Variants in C11orf58 observed in about 807,000 individuals in gnomAD.
The protein encoded by C11orf58 is small acidic protein.
A neutral mutation model predicts 22.7 loss-of-function variants in C11orf58; 5 were observed. That is an observed-to-expected ratio of 0.22 (90% CI 0.12 to 0.46). The LOEUF (loss-of-function observed/expected upper bound fraction) is 0.46. C11orf58 is among the 20% of genes least tolerant of loss of function. The pLI, the probability that C11orf58 is intolerant of heterozygous loss-of-function variation, is 0.99. For synonymous variants in C11orf58, 71 were observed against 70.7 expected (o/e 1.00, Z -0.02); for missense variants, 151 against 223.3 (o/e 0.68, Z 2.06).
rs2134064956 is a variant in C11orf58 at position 16,738,692 on chromosome 11, G to A, written c.-87G>A. On this transcript the variant is annotated 5_prime_UTR_variant, in exon 1 of 5. Coordinates refer to ENST00000228136, the MANE Select transcript of C11orf58 (RefSeq NM_014267.6). Reference sequence around the variant, plus strand: ...CTGCGTTCTGTAGTGGCGCTGCTTGGGCCCTTGGCGGATTGTAAGCTGCTG... The same window carrying A: ...CTGCGTTCTGTAGTGGCGCTGCTTGAGCCCTTGGCGGATTGTAAGCTGCTG... 7.0e-7 allele frequency: 1 copy of A among 1,438,040 alleles called. No individual in the cohort carries two copies. 89.1% of individuals were successfully genotyped at this position (1,438,040 alleles called of 1,614,324 possible).
At chr11:16,754,787 A>G in intron 4 of C11orf58, 84 bp from the exon 5 acceptor site, 1 of 1,559,724 alleles carries the variant, frequency 6.4e-7, no homozygotes, top group South Asian at 1.3e-5. Flanking sequence ...GAGTGTTTCT[A>G]AGACCGACAG....
At chr11:16,752,938 A>T (rs751517230) in intron 4 of C11orf58, 44 bp downstream of exon 4, 2 of 1,440,528 alleles carry the variant, frequency 1.4e-6, no homozygotes, top group Admixed American at 3.5e-5. Flanking sequence ...TTAGTTTTCA[A>T]TTTGGTACCA....
intron 1 of C11orf58, among the ~76,000 whole-genome samples, chr11:16,743,696 A>G (rs932886224): frequency 1.3e-5 from 2 of 152,238 alleles, no homozygotes; most frequent in African/African-American, 4.8e-5. Flanking sequence ...TGATGATGAA[A>G]TACTTTGGAC....
chr11:16,743,831 T>C (rs1848466985), intron 1 of C11orf58, among the ~76,000 whole-genome samples: 2 of 152,130 alleles, frequency 1.3e-5, no homozygotes, highest in Non-Finnish European at 2.9e-5. Context: ...AACAACAGTT[T>C]TTACATTTGT....
At chr11:16,745,464 T>C (rs1848480425) in intron 2 of C11orf58, among the ~76,000 whole-genome samples, 1 of 152,230 alleles carries the variant, frequency 6.6e-6, no homozygotes, top group Non-Finnish European at 1.5e-5. Flanking sequence ...TTATATCCTG[T>C]ATTCTTACAA....
chr11:16,754,777 G>C, intron 4 of C11orf58, 94 bp from the exon 5 acceptor site: 1 of 1,540,926 alleles, frequency 6.5e-7, no homozygotes, highest in Non-Finnish European at 8.7e-7. Context: ...CTACAAAGTA[G>C]AGTGTTTCTA....
Position 16,738,673 on chromosome 11 carries a change from T to G in C11orf58, c.-106T>G. ...GAGAAGGCCCGGAGGGGCTCTGCGT[T>G]CTGTAGTGGCGCTGCTTGGGCCCTT... On this transcript the variant is annotated 5_prime_UTR_variant, in exon 1 of 5. Transcript: ENST00000228136. 5 of 1,286,238 alleles carry G rather than the reference T, an allele frequency of 3.9e-6. No individual in the cohort carries two copies. Among genetic ancestry groups the G allele is most frequent in the Middle Eastern group, 5.1e-4 (2 of 3,886 alleles). The allele number at this position is 1,286,238 out of a possible 1,614,324, so 79.7% of individuals were successfully genotyped here.
intron 1 of C11orf58, among the ~76,000 whole-genome samples, chr11:16,739,205 T>G (rs1590071177): frequency 6.6e-6 from 1 of 152,158 alleles, no homozygotes; most frequent in South Asian, 2.1e-4. Context: ...CTCCCTGTTT[T>G]GGGTTCTAAA....
chr11:16,747,526 G>T (rs1848496884), intron 2 of C11orf58: 1 of 151,836 alleles, frequency 6.6e-6, no homozygotes. Context: ...TAGAGTACAG[G>T]ATTGTTTTAA....
At chr11:16,744,564 A>T (rs1313021679) in intron 1 of C11orf58, 37 bp from the exon 2 acceptor site, 2 of 1,556,868 alleles carry the variant, frequency 1.3e-6, no homozygotes, top group African/African-American at 2.7e-5. Flanking sequence ...ACTTATTTTT[A>T]TGCAAAAAAA....
Position 16,756,663 on chromosome 11 carries a change from C to T in C11orf58, c.*1559C>T, listed in dbSNP as rs1353230332. ...GTGGCTCACACCTATAATCCCAGCA[C>T]TTTGGGAGGCCGAGGTGGCTGGATC... On this transcript the variant is annotated 3_prime_UTR_variant, in exon 5 of 5. Transcript: ENST00000228136. Among the ~76,000 whole-genome samples the T allele has an allele frequency of 6.6e-6, 1 of 151,228 alleles. No homozygotes were observed. The highest frequency in any genetic ancestry group is 2.4e-5 in the African/African-American group (1 of 41,214).
At position 16,752,854 on chromosome 11, in the gene C11orf58, C is replaced by A. The variant is rs1282664616; in HGVS notation, c.278C>A (p.Ser93Ter). 1 of 1,611,896 alleles carries A rather than the reference C, an allele frequency of 6.2e-7. No individual in the cohort carries two copies. The change falls in exon 4 of 5, where the codon TCA (serine) becomes TAA (stop). Residue 93 changes from serine to a stop codon, truncating the protein, a stop_gained. Coordinates refer to ENST00000228136, the MANE Select transcript of C11orf58 (RefSeq NM_014267.6). LOFTEE classifies it high-confidence loss of function. ...CAGCAAAGTATGGACAGTAAATTAT[C>A]AGGAAGATATCGGCGACATTGTGGA... ...QYQQSMDSKL[S>*]GRYRRHCGLG...
intron 4 of C11orf58, among the ~76,000 whole-genome samples, chr11:16,753,528 A>C (rs1450993563): frequency 1.3e-5 from 2 of 151,780 alleles, no homozygotes; most frequent in Non-Finnish European, 2.9e-5. Flanking sequence ...ACACCAGGCT[A>C]ATTTTTTGTA....
chr11:16,747,875 T>G (rs534596202), intron 2 of C11orf58: 45 of 400,026 alleles, frequency 1.1e-4, no homozygotes, highest in African/African-American at 8.8e-4. Context: ...TAATCACACT[T>G]AGTACTTTCT....
At chr11:16,745,751 G>A (rs1312646027) in intron 2 of C11orf58, among the ~76,000 whole-genome samples, 1 of 152,170 alleles carries the variant, frequency 6.6e-6, no homozygotes, top group Non-Finnish European at 1.5e-5. Context: ...TATCCTAGCA[G>A]TTTATACAGG....
At chr11:16,746,098 G>C (rs537855702) in intron 2 of C11orf58, among the ~76,000 whole-genome samples, 1 of 152,296 alleles carries the variant, frequency 6.6e-6, no homozygotes, top group South Asian at 2.1e-4. Flanking sequence ...TAGTGCTGTG[G>C]AATCACAGAG....
chr11:16,748,436 TAAA>T, intron 3 of C11orf58: 1 of 175,586 alleles, frequency 5.7e-6, no homozygotes. Context: ...CTCTTAAATT[TAAA>T]AAAAAAAAGG....
At chr11:16,742,118 G>A (rs1256486248) in intron 1 of C11orf58, among the ~76,000 whole-genome samples, 1 of 152,230 alleles carries the variant, frequency 6.6e-6, no homozygotes, top group Non-Finnish European at 1.5e-5. Flanking sequence ...ATTAGAAGTT[G>A]TAGATGACAG....
chr11:16,749,205 A>G (rs766520674), intron 3 of C11orf58: 4 of 152,252 alleles, frequency 2.6e-5, no homozygotes, highest in Non-Finnish European at 4.4e-5. Context: ...AATCTTGGAC[A>G]TTAGTAATAA....
Sources: gnomAD v4.1 joint callset for allele counts (sites outside exome capture counted in the v4.1 genomes callset) on GRCh38, gnomAD v4.1.1 for gene constraint, MANE v1.5 for transcripts, NCBI Gene and HGNC (gene_info 2026-07-23, HGNC 2026-07-21) for gene names.